The following CYRIA variants were observed in gnomAD, a reference collection of about 807,000 sequenced individuals.
The protein encoded by CYRIA is CYFIP related Rac1 interactor A.
A neutral mutation model predicts 43.9 loss-of-function variants in CYRIA; 15 were observed. That is an observed-to-expected ratio of 0.34 (90% CI 0.23 to 0.53). CYRIA has a LOEUF of 0.53. CYRIA is among the 20% of genes least tolerant of loss of function. The pLI is 0.94. For synonymous variants in CYRIA, 117 were observed against 136.0 expected, an observed-to-expected ratio of 0.86 and a Z score of 0.97; for missense variants, 236 against 394.2, an observed-to-expected ratio of 0.60 and a Z score of 3.40.
At chr2:16,664,965 G>A (rs1005259717) in intron 1 of CYRIA, among the ~76,000 whole-genome samples, 15 of 152,126 alleles carry the variant, frequency 9.9e-5, no homozygotes, top group Non-Finnish European at 1.9e-4. Context: ...CTGGGGATGC[G>A]TGGGGAAATA....
intron 3 of CYRIA, among the ~76,000 whole-genome samples, chr2:16,584,967 T>G (rs535682040): frequency 5.9e-5 from 9 of 152,282 alleles, no homozygotes; most frequent in African/African-American, 2.2e-4. Flanking sequence ...TTTATTTATT[T>G]CATCTTAAAC....
At chr2:16,588,586 T>C (rs1418288250) in intron 2 of CYRIA, among the ~76,000 whole-genome samples, 1 of 152,130 alleles carries the variant, frequency 6.6e-6, no homozygotes, top group East Asian at 1.9e-4. Flanking sequence ...TTGTTTCCTT[T>C]AGATAGATGT....
chr2:16,565,579 C>G, intron 4 of CYRIA, 67 bp downstream of exon 4: 3 of 1,454,622 alleles, frequency 2.1e-6, no homozygotes, highest in South Asian at 2.9e-5. Context: ...CTGTGTGTGT[C>G]TGTGTGCATG....
chr2:16,562,163 A>G (rs2103412367), intron 5 of CYRIA, 22 bp from the exon 6 acceptor site: 1 of 1,603,566 alleles, frequency 6.2e-7, no homozygotes, highest in Non-Finnish European at 8.5e-7. Context: ...AGGGATAAAT[A>G]GATATGTTGG....
chr2:16,562,017 G>A lies in CYRIA; in HGVS notation c.423C>T (p.Phe141=), dbSNP rs746504941. Residue 141 remains phenylalanine (F), a synonymous_variant, in exon 6 of 12, where the codon TTC becomes TTT. Transcript: ENST00000381323. ...CATTTGGCCTAACCTTCAGCTCATC[G>A]AATCGAAGGGTAAAATGTAAAATTT... The part of the protein sequence containing the change: ...FAEILHFTLR[F]DELKMRNPAI... 15 of 1,612,590 alleles carry A rather than the reference G, an allele frequency of 9.3e-6. No individual in the cohort carries two copies. The East Asian group carries it at 2.0e-4, about 22-fold the overall frequency.
chr2:16,649,534 A>G (rs1446313542), intron 1 of CYRIA, among the ~76,000 whole-genome samples: 1 of 151,566 alleles, frequency 6.6e-6, no homozygotes, highest in Non-Finnish European at 1.5e-5. Flanking sequence ...ATGGCTGTAC[A>G]GTACAGAGGA....
At chr2:16,610,915 TATATATATATATATATATATATC>T (rs1668572940) in intron 2 of CYRIA, among the ~76,000 whole-genome samples, 1 of 65,314 alleles carries the variant, frequency 1.5e-5, no homozygotes. Flanking sequence ...TATATATATA[TATATATATATATATATATATATC>T]CTGTATATCT....
intron 3 of CYRIA, among the ~76,000 whole-genome samples, chr2:16,577,152 A>G (rs1047754721): frequency 6.6e-6 from 1 of 152,216 alleles, no homozygotes; most frequent in African/African-American, 2.4e-5. Context: ...ATCAGAGGGT[A>G]GATCTCATGG....
chr2:16,629,199 G>A (rs916996078), intron 1 of CYRIA, among the ~76,000 whole-genome samples: 5 of 152,292 alleles, frequency 3.3e-5, no homozygotes, highest in East Asian at 1.9e-4. Flanking sequence ...GGGGACAGGC[G>A]CATCTCTAAG....
intron 2 of CYRIA, among the ~76,000 whole-genome samples, chr2:16,619,514 T>C (rs1475293027): frequency 6.6e-6 from 1 of 152,226 alleles, no homozygotes; most frequent in Admixed American, 6.5e-5. Flanking sequence ...TCTGTAAAGC[T>C]GCATTTTACC....
At chr2:16,632,108 T>G (rs1042328982) in intron 1 of CYRIA, among the ~76,000 whole-genome samples, 1 of 152,186 alleles carries the variant, frequency 6.6e-6, no homozygotes, top group Admixed American at 6.5e-5. Flanking sequence ...TAAGGCCGGC[T>G]AGGAGGCACA....
At chr2:16,570,102 T>A (rs1667074977) in intron 3 of CYRIA, among the ~76,000 whole-genome samples, 2 of 152,096 alleles carry the variant, frequency 1.3e-5, no homozygotes, top group Admixed American at 6.6e-5. Flanking sequence ...AGCAGTGTAG[T>A]AAGTAAAGGT....
intron 1 of CYRIA, 84 bp from the exon 2 acceptor site, chr2:16,624,103 G>C (rs557125241): frequency 1.8e-4 from 28 of 152,358 alleles, no homozygotes; most frequent in African/African-American, 6.5e-4. Flanking sequence ...AAGGAGAGCA[G>C]AGAGTCACAA....
At chr2:16,579,574 G>T (rs933310941) in intron 3 of CYRIA, among the ~76,000 whole-genome samples, 1 of 152,070 alleles carries the variant, frequency 6.6e-6, no homozygotes, top group Admixed American at 6.5e-5. Flanking sequence ...GTGTTAATTT[G>T]CAGGTATACT....
intron 1 of CYRIA, among the ~76,000 whole-genome samples, chr2:16,665,450 C>T (rs539072836): frequency 1.2e-4 from 18 of 151,514 alleles, no homozygotes; most frequent in African/African-American, 4.4e-4. Flanking sequence ...AAGAATGGAG[C>T]TTATGATACC....
intron 1 of CYRIA, among the ~76,000 whole-genome samples, chr2:16,653,076 G>A (rs1414854529): frequency 6.6e-6 from 1 of 152,218 alleles, no homozygotes; most frequent in Non-Finnish European, 1.5e-5. Flanking sequence ...ATGTGCTGGG[G>A]ATGTGAAGAT....
intron 2 of CYRIA, among the ~76,000 whole-genome samples, chr2:16,605,484 G>A (rs1668366250): frequency 6.6e-6 from 1 of 152,186 alleles, no homozygotes; most frequent in Middle Eastern, 3.2e-3. Flanking sequence ...TGAGACACCT[G>A]CTTCTTACCT....
intron 11 of CYRIA, among the ~76,000 whole-genome samples, chr2:16,553,392 T>C (rs1666386789): frequency 2.0e-5 from 3 of 152,100 alleles, no homozygotes; most frequent in Admixed American, 2.0e-4. Flanking sequence ...TTCTCCACTT[T>C]CCTGGCAATG....
intron 2 of CYRIA, among the ~76,000 whole-genome samples, chr2:16,607,242 A>G (rs903835147): frequency 3.9e-5 from 5 of 126,994 alleles, no homozygotes; most frequent in Non-Finnish European, 7.9e-5. Context: ...GGTCAACCTA[A>G]GGCTGGGACA....
Sources: allele counts gnomAD v4.1 joint callset (sites outside exome capture counted in the v4.1 genomes callset), GRCh38; gene constraint gnomAD v4.1.1; transcripts MANE v1.5; gene names NCBI Gene and HGNC (gene_info 2026-07-23, HGNC 2026-07-21).